PLAAT1: variants seen among roughly 807,000 people sequenced by gnomAD.
PLAAT1 encodes the protein phospholipase A and acyltransferase 1.
Under a neutral mutation model 16.4 loss-of-function variants are expected in PLAAT1, and 13 were observed. The observed-to-expected ratio is 0.79, with a 90% CI of 0.52 to 1.26. PLAAT1 has a LOEUF of 1.26. PLAAT1 is among the 50% of genes most tolerant of loss of function. The pLI, the probability that PLAAT1 is intolerant of heterozygous loss-of-function variation, is 0.00. For synonymous variants in PLAAT1, 73 were observed against 78.4 expected, an observed-to-expected ratio of 0.93 and a Z score of 0.36; for missense variants, 218 against 207.8, an observed-to-expected ratio of 1.05 and a Z score of -0.30.
downstream of PLAAT1, among the ~76,000 whole-genome samples, chr3:193,280,003 A>AAAT (rs1553808806): frequency 6.8e-6 from 1 of 147,732 alleles, no homozygotes; most frequent in African/African-American, 2.5e-5. Context: ...AAAAAAAAAA[A>AAAT]GCCCTGTGTA....
chr3:193,268,545 G>A (rs545255829), intron 3 of PLAAT1, among the ~76,000 whole-genome samples: 7 of 152,302 alleles, frequency 4.6e-5, no homozygotes, highest in African/African-American at 1.7e-4. Flanking sequence ...TCTTGTTCAT[G>A]TTGGTTCACC....
downstream of PLAAT1, among the ~76,000 whole-genome samples, chr3:193,271,448 A>G (rs183677013): frequency 3.9e-5 from 6 of 152,348 alleles, no homozygotes; most frequent in East Asian, 9.6e-4. Context: ...AAAATGCCAT[A>G]TTTGGAAAAC....
intron 2 of PLAAT1, among the ~76,000 whole-genome samples, chr3:193,258,621 T>C (rs190608889): frequency 2.0e-5 from 3 of 152,204 alleles, no homozygotes; most frequent in Admixed American, 6.5e-5. Flanking sequence ...TTATGAACAC[T>C]TCTATAATAC....
chr3:193,275,877 A>AT (rs927659362), intron 2 of PLAAT1, among the ~76,000 whole-genome samples: 9 of 152,178 alleles, frequency 5.9e-5, no homozygotes, highest in African/African-American at 2.2e-4. Context: ...GCCTTTAAAA[A>AT]TTTTTATTTT....
At chr3:193,276,216 A>G (rs1204488838) in intron 2 of PLAAT1, among the ~76,000 whole-genome samples, 1 of 152,226 alleles carries the variant, frequency 6.6e-6, no homozygotes, top group Non-Finnish European at 1.5e-5. Context: ...CTTTTACAAA[A>G]AAGAACTCTC....
chr3:193,263,131 C>T lies in PLAAT1; in HGVS notation c.301C>T (p.Arg101Trp), dbSNP rs766699838. The T allele has an allele frequency of 1.2e-5, 20 of 1,614,054 alleles. No homozygotes were observed. In the East Asian group the frequency reaches 2.7e-4, roughly 22 times the overall value. Residue 101 changes from arginine to tryptophan, a missense_variant, in exon 3 of 4, where the codon CGG (arginine) becomes TGG (tryptophan). Transcript: ENST00000264735. The stretch of plus-strand genomic sequence containing the variant: ...TCTCCCTGTGGAAGAAATCATAAAG[C>T]GGTCAGAGTTTGTAATTGGACAGGA... ...PPLPVEEIIK[R>W]SEFVIGQEVA...
chr3:193,241,903 C>T (rs903067111), intron 1 of PLAAT1, among the ~76,000 whole-genome samples: 6 of 152,162 alleles, frequency 3.9e-5, no homozygotes, highest in Admixed American at 3.3e-4. Context: ...GAAAAAGTCA[C>T]TCATGTTTTC....
In PLAAT1 at chr3:193,241,238, G is replaced by A. The variant is rs1577294105; in HGVS notation, c.-296G>A. ...CTCCCCATGGTCAGAGCCTCGTGCC[G>A]GCTCGGCAGCGCCCGGACGCCGAGC... is the stretch of plus-strand genomic sequence containing the variant. On this transcript the variant is annotated 5_prime_UTR_variant, in exon 1 of 4. Transcript: ENST00000264735. 1.6e-5 allele frequency: 20 copies of A among 1,225,520 alleles called. No individual in the cohort carries two copies. In the East Asian group the frequency reaches 6.4e-4, roughly 39 times the overall value. 75.9% of individuals were successfully genotyped at this position (1,225,520 alleles called of 1,614,324 possible).
At chr3:193,270,114 G>A (rs1162592448) in intron 3 of PLAAT1, among the ~76,000 whole-genome samples, 4 of 139,120 alleles carry the variant, frequency 2.9e-5, no homozygotes, top group Non-Finnish European at 6.1e-5. Flanking sequence ...ACTCTTACAC[G>A]ATACTTACTT....
intron 3 of PLAAT1, among the ~76,000 whole-genome samples, chr3:193,266,711 A>G (rs1212131090): frequency 6.6e-6 from 1 of 152,160 alleles, no homozygotes; most frequent in African/African-American, 2.4e-5. Context: ...ATCCATCCCA[A>G]TAAATAGCAT....
rs183832001 is a variant in PLAAT1, at chr3:193,246,194, C to T, written c.-1+4661C>T. Among the ~76,000 whole-genome samples the T allele has an allele frequency of 3.1e-3, 474 of 152,182 alleles. 7 individuals are homozygous for T. In the East Asian group the frequency reaches 0.033, roughly 11 times the overall value. ...AGCATGATGGTGTCTGTGGGCTTGT[C>T]ATATATGGCCTTTATTGTGTTAAGG... On this transcript the variant is annotated intron_variant, in intron 1 of 3. Transcript: ENST00000264735.
chr3:193,257,526 G>A (rs745900606), intron 2 of PLAAT1, among the ~76,000 whole-genome samples: 2 of 152,144 alleles, frequency 1.3e-5, no homozygotes, highest in Non-Finnish European at 2.9e-5. Flanking sequence ...TTGAACCACA[G>A]TGCAATAAAA....
At chr3:193,241,146 C>A, upstream of PLAAT1, 11 of 1,126,228 alleles carry the variant, frequency 9.8e-6, no homozygotes, top group Non-Finnish European at 1.2e-5. Flanking sequence ...GCGGGCGAAG[C>A]TGGGCTCGGG....
At chr3:193,277,598 G>T (rs1304920048) in intron 2 of PLAAT1, 2 of 152,174 alleles carry the variant, frequency 1.3e-5, no homozygotes, top group Non-Finnish European at 2.9e-5. Flanking sequence ...GCTGATACGG[G>T]TTATTTCAAA....
intron 2 of PLAAT1, among the ~76,000 whole-genome samples, chr3:193,260,747 G>A (rs934071271): frequency 6.6e-6 from 1 of 152,056 alleles, no homozygotes; most frequent in Non-Finnish European, 1.5e-5. Context: ...CACTGTTGGT[G>A]GGAATGTAAA....
intron 2 of PLAAT1, among the ~76,000 whole-genome samples, chr3:193,257,674 C>T (rs1285490335): frequency 6.6e-6 from 1 of 152,078 alleles, no homozygotes; most frequent in Non-Finnish European, 1.5e-5. Flanking sequence ...AGTATTGTTC[C>T]TGGGTGTGTC....
intron 1 of PLAAT1, among the ~76,000 whole-genome samples, chr3:193,243,399 T>C (rs1715855192): frequency 6.6e-6 from 1 of 152,218 alleles, no homozygotes; most frequent in Admixed American, 6.5e-5. Flanking sequence ...CTTAGAGATA[T>C]TCTAACCTCA....
upstream of PLAAT1, chr3:193,241,169 C>T: frequency 1.7e-6 from 2 of 1,205,672 alleles, no homozygotes; most frequent in Non-Finnish European, 2.1e-6. Context: ...CAAGCGAGGT[C>T]TAGCCGGAGC....
At chr3:193,244,563 A>G (rs751087714) in intron 1 of PLAAT1, among the ~76,000 whole-genome samples, 2 of 152,050 alleles carry the variant, frequency 1.3e-5, no homozygotes, top group Non-Finnish European at 2.9e-5. Context: ...AAACTAATGT[A>G]TTAGTTCATT....
Sources: allele counts gnomAD v4.1 joint callset (sites outside exome capture counted in the v4.1 genomes callset), GRCh38; gene constraint gnomAD v4.1.1; transcripts MANE v1.5; gene names NCBI Gene and HGNC (gene_info 2026-07-23, HGNC 2026-07-21).